Variants in RBMS3 observed in about 807,000 individuals in gnomAD.
The protein encoded by RBMS3 is RNA binding motif single stranded interacting protein 3.
A neutral mutation model predicts 66.8 loss-of-function variants in RBMS3; 27 were observed. The observed-to-expected ratio is 0.40, with a 90% CI of 0.30 to 0.56. The LOEUF (loss-of-function observed/expected upper bound fraction) is 0.56. RBMS3 is among the 20% of genes least tolerant of loss of function. RBMS3 has a pLI of 0.40. For missense variants in RBMS3, 513 were observed against 549.5 expected (o/e 0.93, Z 0.66); for synonymous variants, 188 against 183.0 (o/e 1.03, Z -0.22).
At chr3:29,360,797 T>C (rs939626581) in intron 1 of RBMS3, among the ~76,000 whole-genome samples, 12 of 152,092 alleles carry the variant, frequency 7.9e-5, no homozygotes, top group African/African-American at 1.5e-4. Context: ...TTTACCATTA[T>C]GTAATGGCCT....
At chr3:29,993,325 G>A (rs967880434) in intron 14 of RBMS3, among the ~76,000 whole-genome samples, 2 of 150,204 alleles carry the variant, frequency 1.3e-5, no homozygotes, top group East Asian at 1.9e-4. Context: ...CCTGGTCAAC[G>A]GGTTATATGT....
chr3:29,841,360 C>G (rs1436157328), intron 6 of RBMS3, among the ~76,000 whole-genome samples: 1 of 151,916 alleles, frequency 6.6e-6, no homozygotes, highest in Non-Finnish European at 1.5e-5. Context: ...TAGACTATGC[C>G]TCTTTTCTAC....
At chr3:29,546,757 G>T (rs1201133276) in intron 3 of RBMS3, among the ~76,000 whole-genome samples, 1 of 152,048 alleles carries the variant, frequency 6.6e-6, no homozygotes, top group African/African-American at 2.4e-5. Context: ...AGAGATGTTT[G>T]GTTTTTGAGT....
intron 3 of RBMS3, among the ~76,000 whole-genome samples, chr3:29,529,370 G>C (rs1319517029): frequency 1.3e-5 from 2 of 152,044 alleles, no homozygotes; most frequent in African/African-American, 4.8e-5. Context: ...AAGGGATGGA[G>C]AGAGGCAAAA....
chr3:29,404,230 A>T (rs2039923895), intron 1 of RBMS3, among the ~76,000 whole-genome samples: 2 of 152,134 alleles, frequency 1.3e-5, no homozygotes, highest in Non-Finnish European at 2.9e-5. Flanking sequence ...CAGACTGGTC[A>T]CAGTTTTGAG....
At chr3:29,702,269 C>T (rs1027407096) in intron 4 of RBMS3, among the ~76,000 whole-genome samples, 1 of 152,080 alleles carries the variant, frequency 6.6e-6, no homozygotes, top group Non-Finnish European at 1.5e-5. Flanking sequence ...CCAATCAGTG[C>T]TCTGTGTCTA....
chr3:29,661,209 G>C (rs2050533811), intron 4 of RBMS3, among the ~76,000 whole-genome samples: 1 of 152,194 alleles, frequency 6.6e-6, no homozygotes, highest in South Asian at 2.1e-4. Context: ...AGTTACAAAA[G>C]AGTTGTATCA....
intron 6 of RBMS3, among the ~76,000 whole-genome samples, chr3:29,804,439 T>A (rs1296422770): frequency 6.6e-6 from 1 of 152,048 alleles, no homozygotes; most frequent in East Asian, 1.9e-4. Flanking sequence ...AACTCAGAGG[T>A]ACCTTGAGCT....
intron 2 of RBMS3, among the ~76,000 whole-genome samples, chr3:29,477,587 T>C (rs2042990702): frequency 6.6e-6 from 1 of 152,112 alleles, no homozygotes; most frequent in African/African-American, 2.4e-5. Context: ...ATTTTATCAC[T>C]GATACAATTA....
At chr3:29,610,860 C>G (rs182569439) in intron 4 of RBMS3, among the ~76,000 whole-genome samples, 1 of 151,872 alleles carries the variant, frequency 6.6e-6, no homozygotes, top group East Asian at 1.9e-4. Flanking sequence ...TAAAATGACA[C>G]AAGCATTAAT....
chr3:29,303,570 C>T (rs2033817476), intron 1 of RBMS3, among the ~76,000 whole-genome samples: 1 of 151,884 alleles, frequency 6.6e-6, no homozygotes, highest in South Asian at 2.1e-4. Flanking sequence ...CCTAGGATGG[C>T]ACTTCTTGAT....
At chr3:29,422,049 A>G (rs964904771) in intron 1 of RBMS3, among the ~76,000 whole-genome samples, 2 of 152,216 alleles carry the variant, frequency 1.3e-5, no homozygotes, top group Non-Finnish European at 2.9e-5. Flanking sequence ...TTTACACACA[A>G]TCACTCACTT....
chr3:29,692,258 A>T (rs1028518629), intron 4 of RBMS3, among the ~76,000 whole-genome samples: 1 of 151,980 alleles, frequency 6.6e-6, no homozygotes, highest in African/African-American at 2.4e-5. Context: ...CTAGGATTAC[A>T]GGTGTGAGCC....
At chr3:29,337,130 AT>A (rs558291873) in intron 1 of RBMS3, among the ~76,000 whole-genome samples, 1 of 152,080 alleles carries the variant, frequency 6.6e-6, no homozygotes, top group Non-Finnish European at 1.5e-5. Context: ...TTTAAAGATG[AT>A]TTCACTTTAA....
Position 29,284,511 on chromosome 3 carries a change from A to T in RBMS3, c.75+2755A>T, listed in dbSNP as rs536478812. On this transcript the variant is annotated intron_variant, in intron 1 of 14. Coordinates refer to ENST00000383767, the MANE Select transcript of RBMS3 (RefSeq NM_001003793.3). ...TTTTTTAATGATAAAACAAAATGAA[A>T]ATGAGATTTAAGAAATAAATGCAGA... Among the ~76,000 whole-genome samples, 3 of 152,290 alleles carry T rather than the reference A, an allele frequency of 2.0e-5. No individual in the cohort carries two copies. In the South Asian group the frequency reaches 6.2e-4, roughly 32 times the overall value.
rs368908564 is a variant in RBMS3 at position 29,762,994 on chromosome 3, GAAAT to G, written c.637+6_637+9del. On this transcript the variant is annotated splice_donor_region_variant and intron_variant, in intron 6 of 14. Transcript: ENST00000383767. ...AAACACCACCAGGCATCCCAGGTAA[GAAAT>G]TCACTAATAAGTGACTGAATGATGC... The G allele has an allele frequency of 7.9e-4, 1,246 of 1,581,660 alleles. 9 individuals are homozygous for G. In the African/African-American group the frequency reaches 0.015, roughly 19 times the overall value.
intron 11 of RBMS3, among the ~76,000 whole-genome samples, chr3:29,937,360 C>T (rs2061292953): frequency 6.6e-6 from 1 of 151,970 alleles, no homozygotes; most frequent in African/African-American, 2.4e-5. Context: ...GTACAATATG[C>T]ACACTAGTTG....
intron 10 of RBMS3, among the ~76,000 whole-genome samples, chr3:29,921,291 T>C (rs1205737439): frequency 6.6e-6 from 1 of 151,924 alleles, no homozygotes; most frequent in African/African-American, 2.4e-5. Context: ...CAGGAACTCC[T>C]GACCTCAAGT....
intron 3 of RBMS3, among the ~76,000 whole-genome samples, chr3:29,503,606 G>A: frequency 6.6e-6 from 1 of 152,048 alleles, no homozygotes; most frequent in East Asian, 1.9e-4. Flanking sequence ...GGAACTGTAA[G>A]GAGGATTGTT....
Sources: allele counts gnomAD v4.1 joint callset (sites outside exome capture counted in the v4.1 genomes callset), GRCh38; gene constraint gnomAD v4.1.1; transcripts MANE v1.5; gene names NCBI Gene and HGNC (gene_info 2026-07-23, HGNC 2026-07-21).